Variants in BLTP1 observed in about 807,000 individuals in gnomAD.
BLTP1 encodes bridge-like lipid transfer protein family member 1, also known as fragile site-associated protein.
chr4:122,302,730 G>A, the BLTP1 span, among the ~76,000 whole-genome samples: 18 of 152,172 alleles, frequency 1.2e-4, no homozygotes, highest in African/African-American at 1.4e-4. Context: ...TGCTACTCCA[G>A]TGAACACAGG....
the BLTP1 span, chr4:122,353,092 C>G: frequency 6.2e-7 from 1 of 1,613,870 alleles, no homozygotes; most frequent in East Asian, 2.2e-5. The surrounding 1 kb of genome is among the most constrained non-coding windows in gnomAD (Gnocchi z 4.3). Context: ...ATCTTGGGCC[C>G]TTTTTCATTT....
chr4:122,257,103 G>C, the BLTP1 span: 3 of 733,130 alleles, frequency 4.1e-6, no homozygotes, highest in East Asian at 5.5e-5. Context: ...GACTCTCTTG[G>C]GTAACTTTGA....
the BLTP1 span, chr4:122,287,600 T>A: frequency 5.1e-6 from 5 of 985,320 alleles, no homozygotes; most frequent in Non-Finnish European, 6.0e-6. Context: ...AGCAATGTGC[T>A]ATTTGTTTTA....
At chr4:122,186,930 C>A in the BLTP1 span, 1 of 786,030 alleles carries the variant, frequency 1.3e-6, no homozygotes, top group Non-Finnish European at 1.5e-6. Flanking sequence ...CTTGGCTTAT[C>A]ATTTTCATTT....
the BLTP1 span, chr4:122,275,923 A>T: frequency 1.3e-6 from 2 of 1,489,122 alleles, no homozygotes; most frequent in South Asian, 3.0e-5. Context: ...ATGAATGTTT[A>T]TTTGCCTCCT....
the BLTP1 span, chr4:122,359,831 A>G: frequency 6.9e-7 from 1 of 1,446,008 alleles, no homozygotes; most frequent in Non-Finnish European, 9.0e-7. Context: ...TTCAGAAGTT[A>G]GTCTCCTGTA....
the BLTP1 span, chr4:122,360,116 G>T: frequency 3.4e-6 from 3 of 888,510 alleles, no homozygotes; most frequent in Non-Finnish European, 2.7e-6. Context: ...AATTGTTAAG[G>T]AACTATTTTA....
At chr4:122,358,831 T>G in the BLTP1 span, among the ~76,000 whole-genome samples, 1 of 152,172 alleles carries the variant, frequency 6.6e-6, no homozygotes, top group Non-Finnish European at 1.5e-5. Context: ...AAAATATTAA[T>G]GGCAAAAACT....
At chr4:122,188,968 C>A in the BLTP1 span, 1 of 985,070 alleles carries the variant, frequency 1.0e-6, no homozygotes, top group Non-Finnish European at 1.2e-6. Context: ...ATCGCGGTGA[C>A]TGTGGGTCTT....
chr4:122,301,458 T>G, the BLTP1 span: 1 of 939,748 alleles, frequency 1.1e-6, no homozygotes, highest in East Asian at 2.8e-5. Context: ...ATATGCTTGT[T>G]ATAGAAAATT....
At chr4:122,307,062 T>G in the BLTP1 span, among the ~76,000 whole-genome samples, 1 of 137,868 alleles carries the variant, frequency 7.3e-6, no homozygotes, top group Non-Finnish European at 1.6e-5. Flanking sequence ...GAGTACTGGT[T>G]TTCCAAAGTA....
the BLTP1 span, chr4:122,240,448 T>A: frequency 1.9e-6 from 2 of 1,069,582 alleles, no homozygotes; most frequent in South Asian, 1.6e-5. Context: ...TCTTTTTAGC[T>A]ACCTTTCTGA....
At chr4:122,356,724 A>G in the BLTP1 span, 3 of 1,613,408 alleles carry the variant, frequency 1.9e-6, no homozygotes, top group Non-Finnish European at 2.5e-6. Context: ...TTCATGATTT[A>G]GTATCAGCTT....
At chr4:122,183,582 C>A in the BLTP1 span, 1 of 902,648 alleles carries the variant, frequency 1.1e-6, no homozygotes, top group Non-Finnish European at 1.3e-6. Flanking sequence ...TTTTATAATA[C>A]AAGGAGCACT....
the BLTP1 span, chr4:122,226,346 G>A: frequency 1.0e-6 from 1 of 987,316 alleles, no homozygotes; most frequent in Non-Finnish European, 1.2e-6. Context: ...TTTGGTTTAT[G>A]ATTGGAGAAT....
the BLTP1 span, among the ~76,000 whole-genome samples, chr4:122,321,077 A>G: frequency 1.7e-3 from 262 of 150,986 alleles, 1 homozygote; most frequent in African/African-American, 6.2e-3. Context: ...CAATAAACCC[A>G]TAAGTTGAAA....
At chr4:122,211,178 A>T in the BLTP1 span, 1 of 1,216,758 alleles carries the variant, frequency 8.2e-7, no homozygotes, top group East Asian at 2.5e-5. Flanking sequence ...ACCGTTTGAA[A>T]TAGCCAGTTG....
At chr4:122,304,979 A>C in the BLTP1 span, 1 of 1,613,742 alleles carries the variant, frequency 6.2e-7, no homozygotes, top group Non-Finnish European at 8.5e-7. Flanking sequence ...ATTGTCAAAC[A>C]TCAGGTGAGT....
At chr4:122,194,766 A>C in the BLTP1 span, 2 of 727,720 alleles carry the variant, frequency 2.7e-6, no homozygotes, top group South Asian at 6.2e-5. Context: ...TTACACAAAA[A>C]CCCAAACTAA....
Sources: allele counts gnomAD v4.1 joint callset (sites outside exome capture counted in the v4.1 genomes callset), GRCh38; gene constraint gnomAD v4.1.1; non-coding constraint Gnocchi (gnomAD v3.1); transcripts MANE v1.5; gene names NCBI Gene and HGNC (gene_info 2026-07-23, HGNC 2026-07-21).